Variants in P3H1 observed in about 807,000 individuals in gnomAD.
The protein encoded by P3H1 is prolyl 3-hydroxylase 1, also known as growth suppressor 1.
Under a neutral mutation model 84.0 loss-of-function variants are expected in P3H1, and 69 were observed. The observed-to-expected ratio is 0.82, with a 90% CI of 0.68 to 1.00. The LOEUF (loss-of-function observed/expected upper bound fraction) is 1.00, where lower values mean the gene tolerates loss of function less well. Among genes scored for constraint, P3H1 ranks in the 50% least tolerant of loss-of-function variants. The probability of loss-of-function intolerance (pLI) is 0.00; values close to 1 mark genes in which losing one functional copy is unlikely to be tolerated. For synonymous variants in P3H1, 366 were observed against 388.8 expected (o/e 0.94, Z 0.69); for missense variants, 878 against 962.8 (o/e 0.91, Z 1.17).
intron 6 of P3H1, 136 bp downstream of exon 6, chr1:42,755,412 G>T: frequency 2.1e-6 from 2 of 969,154 alleles, no homozygotes; most frequent in Non-Finnish European, 3.3e-6. Flanking sequence ...TCTCATCCCT[G>T]CCTTGCACAG....
intron 11 of P3H1, among the ~76,000 whole-genome samples, chr1:42,749,546 A>G (rs1156489367): frequency 6.6e-6 from 1 of 152,226 alleles, no homozygotes; most frequent in Non-Finnish European, 1.5e-5. Flanking sequence ...CAATTAGTAA[A>G]AGAGAATCTG....
Position 42,759,349 on chromosome 1 carries a change from C to A in P3H1, c.660G>T (p.Gln220His), listed in dbSNP as rs1439450796. ...RLGVRLYSEE[Q>H]PQEAVPHLEA... ...CTAGGTGGGGCACAGCTTCCTGTGG[C>A]TGTTCCTCTGAGTAGAGTCGCACTC... The change falls in exon 3 of 15, where the codon CAG (glutamine) becomes CAT (histidine). Residue 220 changes from glutamine to histidine, a missense_variant. Gln to His is a conservative substitution (Grantham distance 24). Coordinates refer to ENST00000296388, the MANE Select transcript of P3H1 (RefSeq NM_022356.4). 2.5e-6 allele frequency: 4 copies of A among 1,614,048 alleles called. No homozygotes were observed. The highest frequency in any genetic ancestry group is 3.4e-6 in the Non-Finnish European group (4 of 1,180,036).
intron 1 of P3H1, among the ~76,000 whole-genome samples, chr1:42,763,106 T>C (rs1408805271): frequency 2.6e-5 from 4 of 151,740 alleles, no homozygotes; most frequent in Admixed American, 1.3e-4. Flanking sequence ...AATACATATA[T>C]ATATTTCATG....
rs1318883271 is a variant in P3H1 at position 42,766,607 on chromosome 1, C to A, written c.365G>T (p.Arg122Leu). 10 of 1,607,734 alleles carry A rather than the reference C, an allele frequency of 6.2e-6. No homozygotes were observed. The Admixed American group carries it at 1.7e-4, about 27-fold the overall frequency. The change falls in exon 1 of 15, where the codon CGC (arginine) becomes CTC (leucine). Residue 122 changes from arginine (R) to leucine (L), a missense_variant. By Grantham distance (102) the Arg-to-Leu change is moderately radical. Coordinates refer to ENST00000296388, the MANE Select transcript of P3H1 (RefSeq NM_022356.4). ...GTGGGCGGCCGGCGGCCCGAGGCAG[C>A]GGCGCAGGCAGGCAGCGCGACGCAG... is the stretch of plus-strand genomic sequence containing the variant. Reference protein sequence around the residue: ...GLLRRAACLRRCLGPPAAHSL... With the variant: ...GLLRRAACLRLCLGPPAAHSL...
rs1651852742 is a variant in P3H1, at chr1:42,748,374, T to C, written c.1721-57A>G. On this transcript the variant is annotated intron_variant, in intron 11 of 14. Coordinates refer to ENST00000296388, the MANE Select transcript of P3H1 (RefSeq NM_022356.4). Reference sequence around the variant, plus strand: ...AGCACCTCGGGAGACGGCATAGCTCTCTTCTTGGCAGGGGAGGTGCTTCCC... The same window carrying C: ...AGCACCTCGGGAGACGGCATAGCTCCCTTCTTGGCAGGGGAGGTGCTTCCC... 2.3e-6 allele frequency: 3 copies of C among 1,314,342 alleles called. No homozygotes were observed. The South Asian group carries it at 3.5e-5, about 15-fold the overall frequency. 81.4% of individuals were successfully genotyped at this position (1,314,342 alleles called of 1,614,324 possible).
In P3H1 at chr1:42,766,786, C is replaced by G; in HGVS notation, c.186G>C (p.Leu62=). 6.2e-7 allele frequency: 1 copy of G among 1,600,466 alleles called. No individual in the cohort carries two copies. ...GGGCGCGGAGGGCTGCCCGGGAGCG[C>G]AGCGCCCGTTCCATGCTCAGGACCA... ...PGVVLSMERA[L]RSRAALRALR... The change falls in exon 1 of 15, where the codon CTG becomes CTC. Residue 62 remains leucine, a synonymous_variant. Coordinates refer to ENST00000296388, the MANE Select transcript of P3H1 (RefSeq NM_022356.4).
chr1:42,752,471 C>T (rs1652158591), intron 9 of P3H1, 66 bp downstream of exon 9: 1 of 1,612,724 alleles, frequency 6.2e-7, no homozygotes. Flanking sequence ...GGCTACCACC[C>T]AAGGGGCACT....
At chr1:42,755,274 G>T in intron 6 of P3H1, 57 bp from the exon 7 acceptor site, 1 of 1,513,424 alleles carries the variant, frequency 6.6e-7, no homozygotes, top group Non-Finnish European at 9.2e-7. Context: ...TCTTCCAGGT[G>T]TCTCAATGCA....
At chr1:42,759,433 G>A in intron 2 of P3H1, 43 bp from the exon 3 acceptor site, 1 of 1,566,552 alleles carries the variant, frequency 6.4e-7, no homozygotes, top group Non-Finnish European at 8.8e-7. Flanking sequence ...CACAGAGGAG[G>A]AACCCTCTCT....
intron 1 of P3H1, among the ~76,000 whole-genome samples, chr1:42,764,085 G>A (rs1457338134): frequency 6.6e-6 from 1 of 151,610 alleles, no homozygotes; most frequent in Non-Finnish European, 1.5e-5. Context: ...AGCCGAGATC[G>A]CACCATTGCA....
At position 42,748,280 on chromosome 1, in the gene P3H1, G is replaced by A. The variant is rs1490891422; in HGVS notation, c.1758C>T (p.Val586=). 6.2e-7 allele frequency: 1 copy of A among 1,614,020 alleles called. No individual in the cohort carries two copies. The highest frequency in any genetic ancestry group is 1.7e-5 in the Admixed American group (1 of 60,018). The change falls in exon 12 of 15, where the codon GTC becomes GTT. Residue 586 remains valine, a synonymous_variant. Transcript: ENST00000296388. ...QAERKDDSHP[V]HVDNCILNAE... ...CATTCAGGATGCAGTTGTCCACGTGGACTGGATGACTATCATCCTTCCTCT... is the reference window on the plus strand; with the variant it reads ...CATTCAGGATGCAGTTGTCCACGTGAACTGGATGACTATCATCCTTCCTCT...
At position 42,748,439 on chromosome 1, in the gene P3H1, G is replaced by A. The variant is rs560844173; in HGVS notation, c.1721-122C>T. On this transcript the variant is annotated intron_variant, in intron 11 of 14. Transcript: ENST00000296388. Reference sequence around the variant, plus strand: ...TCTACGGAATGCCCAATGAACTAGGGGGGTGTCTTTGGCTAAGCCACAAGC... The same window carrying A: ...TCTACGGAATGCCCAATGAACTAGGAGGGTGTCTTTGGCTAAGCCACAAGC... 4.7e-4 allele frequency: 380 copies of A among 807,862 alleles called. 1 individual carries two copies. Among genetic ancestry groups the A allele is most frequent in the Admixed American group, 4.7e-4 (27 of 57,040 alleles). 50.0% of individuals were successfully genotyped at this position (807,862 alleles called of 1,614,324 possible). A position where few individuals can be genotyped will look rare whatever the true frequency, so the allele number is the denominator to read the frequency against.
At chr1:42,752,196 C>T in intron 10 of P3H1, 78 bp downstream of exon 10, 1 of 1,225,546 alleles carries the variant, frequency 8.2e-7, no homozygotes, top group Non-Finnish European at 1.2e-6. Flanking sequence ...CCACCAGCCC[C>T]AACTCTTCCT....
In P3H1 at chr1:42,747,614, C is replaced by T. The variant is rs72661349; in HGVS notation, c.1914+109G>A. On this transcript the variant is annotated intron_variant, in intron 13 of 14. Coordinates refer to ENST00000296388, the MANE Select transcript of P3H1 (RefSeq NM_022356.4). Reference sequence around the variant, plus strand: ...GCCCCTCTGGATGGGGGAAGGGTACCGCCCACTGGGAAGCCCAGTTGGTTA... The same window carrying T: ...GCCCCTCTGGATGGGGGAAGGGTACTGCCCACTGGGAAGCCCAGTTGGTTA... 55,283 of 1,256,176 alleles carry T rather than the reference C, an allele frequency of 0.044. 1,547 individuals carry two copies. The highest frequency in any genetic ancestry group is 0.11 in the African/African-American group (7,380 of 67,982). 77.8% of individuals were successfully genotyped at this position (1,256,176 alleles called of 1,614,324 possible).
At chr1:42,752,123 A>G in intron 10 of P3H1, 151 bp downstream of exon 10, 3 of 726,690 alleles carry the variant, frequency 4.1e-6, no homozygotes, top group Admixed American at 2.0e-5. Context: ...CTCACGCAAC[A>G]TAACTCATCC....
intron 1 of P3H1, among the ~76,000 whole-genome samples, chr1:42,766,007 T>C (rs1222466692): frequency 1.8e-4 from 21 of 117,694 alleles, no homozygotes; most frequent in African/African-American, 4.5e-4. Flanking sequence ...AGCCAGAGGG[T>C]CCCCCCCCCG....
chr1:42,755,048 G>A (rs1049157011), intron 7 of P3H1, 58 bp from the exon 8 acceptor site: 86 of 1,613,852 alleles, frequency 5.3e-5, no homozygotes, highest in East Asian at 1.8e-4. Flanking sequence ...GCTCCACCCC[G>A]ACTTCCCAAA....
chr1:42,752,222 C>G, intron 10 of P3H1, 52 bp downstream of exon 10: 2 of 1,464,282 alleles, frequency 1.4e-6, no homozygotes, highest in Non-Finnish European at 1.9e-6. Flanking sequence ...CCTGAGCTTC[C>G]CCCTTCCCCA....
chr1:42,747,655 C>T (rs1185765118), intron 13 of P3H1, 68 bp downstream of exon 13: 9 of 1,568,518 alleles, frequency 5.7e-6, no homozygotes, highest in Non-Finnish European at 7.9e-6. Flanking sequence ...GTCCACTGCA[C>T]TTTGGGAACA....
Sources: allele counts gnomAD v4.1 joint callset (sites outside exome capture counted in the v4.1 genomes callset), GRCh38; gene constraint gnomAD v4.1.1; transcripts MANE v1.5; gene names NCBI Gene and HGNC (gene_info 2026-07-23, HGNC 2026-07-21).